The following DLX1 variants were observed in gnomAD, a reference collection of about 807,000 sequenced individuals.
DLX1 encodes the protein homeobox protein DLX-1.
DLX1 carries 7 observed loss-of-function variants against 25.0 expected under a neutral mutation model. The ratio of observed to expected loss-of-function variants is 0.28; its 90% CI spans 0.16 to 0.52. The LOEUF (loss-of-function observed/expected upper bound fraction) is 0.52, where lower values mean the gene tolerates loss of function less well. DLX1 is among the 20% of genes least tolerant of loss of function. DLX1 has a pLI of 0.96. For missense variants in DLX1, 233 were observed against 334.4 expected (o/e 0.70, Z 2.37); for synonymous variants, 155 against 140.3 (o/e 1.10, Z -0.74).
chr2:172,086,418 C>T (rs1690839929), intron 1 of DLX1: 3 of 489,740 alleles, frequency 6.1e-6, no homozygotes, highest in Non-Finnish European at 1.1e-5. Flanking sequence ...GCAAAAATAG[C>T]AAACTTTCCC....
At position 172,089,061 on chromosome 2, in the gene DLX1, T is replaced by A. The variant is rs1438854137; in HGVS notation, c.*804T>A. On this transcript the variant is annotated 3_prime_UTR_variant, in exon 3 of 3. Transcript: ENST00000361725. ...ATTTGCATTTTTTACATGTCCGACA[T>A]TATTTAATAAATAATTTTTAAAAGA... The A allele has an allele frequency of 1.3e-5, 2 of 152,226 alleles. No homozygotes were observed. The highest frequency in any genetic ancestry group is 4.8e-5 in the African/African-American group (2 of 41,452). The allele number at this position is 152,226 out of a possible 1,614,324, so 9.4% of individuals were successfully genotyped here.
chr2:172,087,442 C>A, intron 2 of DLX1: 1 of 432,468 alleles, frequency 2.3e-6, no homozygotes, highest in Non-Finnish European at 4.7e-6. Flanking sequence ...GGATTTGGAG[C>A]AGAGCTGGAG....
Position 172,085,614 on chromosome 2 carries a change from C to A in DLX1, c.-64C>A. On this transcript the variant is annotated 5_prime_UTR_variant, in exon 1 of 3. Transcript: ENST00000361725. The surrounding 1 kb of genome is among the most constrained non-coding windows in gnomAD (Gnocchi z 4.3). ...TTGGGTTCCTTCCTGTCCTGAGAAACATAGAGACCCCCAAAAGGGAAGCAG... is the reference window on the plus strand; with the variant it reads ...TTGGGTTCCTTCCTGTCCTGAGAAAAATAGAGACCCCCAAAAGGGAAGCAG... 6.5e-7 allele frequency: 1 copy of A among 1,526,834 alleles called. No homozygotes were observed. Among genetic ancestry groups the A allele is most frequent in the Non-Finnish European group, 8.9e-7 (1 of 1,129,906 alleles). The allele number at this position is 1,526,834 out of a possible 1,614,324, so 94.6% of individuals were successfully genotyped here. A position where few individuals can be genotyped will look rare whatever the true frequency, so the allele number is the denominator to read the frequency against.
rs893112929 is a variant in DLX1, at chr2:172,089,612, A to G, written c.*1355A>G. ...TTAACTTATTGCTTTGTATCTTGGGAAAAAAACTTTGTAAATAAGTTATAA... is the reference window on the plus strand; with the variant it reads ...TTAACTTATTGCTTTGTATCTTGGGGAAAAAACTTTGTAAATAAGTTATAA... On this transcript the variant is annotated 3_prime_UTR_variant, in exon 3 of 3. Coordinates refer to ENST00000361725, the MANE Select transcript of DLX1 (RefSeq NM_178120.5). The G allele has an allele frequency of 1.3e-5, 2 of 152,648 alleles. No homozygotes were observed. The highest frequency in any genetic ancestry group is 1.9e-4 in the East Asian group (1 of 5,190). 9.5% of individuals were successfully genotyped at this position (152,648 alleles called of 1,614,324 possible). A position where few individuals can be genotyped will look rare whatever the true frequency, so the allele number is the denominator to read the frequency against.
intron 2 of DLX1, 144 bp from the exon 3 acceptor site, chr2:172,087,857 GTC>G (rs1175367996): frequency 8.3e-7 from 1 of 1,210,144 alleles, no homozygotes; most frequent in Admixed American, 2.3e-5. Context: ...AAGGAGGGAT[GTC>G]TCTGCTTCTC....
At chr2:172,086,942 AGGGTCGGG>A (rs745721542) in intron 2 of DLX1, 89 bp downstream of exon 2, 2 of 1,358,666 alleles carry the variant, frequency 1.5e-6, no homozygotes, top group Non-Finnish European at 2.1e-6. Flanking sequence ...GCTGGGACTC[AGGGTCGGG>A]GTGTCACTGT....
At chr2:172,087,700 C>A in intron 2 of DLX1, 1 of 603,614 alleles carries the variant, frequency 1.7e-6, no homozygotes, top group Admixed American at 2.2e-5. Context: ...TAGCCACGGT[C>A]GGACTGAGCC....
intron 1 of DLX1, 53 bp downstream of exon 1, chr2:172,086,043 A>T: frequency 7.0e-7 from 1 of 1,428,010 alleles, no homozygotes. Flanking sequence ...GGAGAGAGGG[A>T]AAGAAGGAGC....
Position 172,088,363 on chromosome 2 carries a change from T to C in DLX1, c.*106T>C. ...AGGACCCAGAGGGAAGAAGGAACAG[T>C]GGAGGCGGGACGCCCTCCATCTCCT... On this transcript the variant is annotated 3_prime_UTR_variant, in exon 3 of 3. Coordinates refer to ENST00000361725, the MANE Select transcript of DLX1 (RefSeq NM_178120.5). 7.4e-7 allele frequency: 1 copy of C among 1,348,538 alleles called. No individual in the cohort carries two copies. Among genetic ancestry groups the C allele is most frequent in the Non-Finnish European group, 9.7e-7 (1 of 1,036,088 alleles). 83.5% of individuals were successfully genotyped at this position (1,348,538 alleles called of 1,614,324 possible). A position where few individuals can be genotyped will look rare whatever the true frequency, so the allele number is the denominator to read the frequency against.
At chr2:172,087,008 C>G (rs763693237) in intron 2 of DLX1, 155 bp downstream of exon 2, 1 of 791,834 alleles carries the variant, frequency 1.3e-6, no homozygotes, top group Non-Finnish European at 2.2e-6. Context: ...TCTCCTTCCT[C>G]CCTCATTCCC....
intron 2 of DLX1, chr2:172,087,150 G>T: frequency 1.6e-6 from 1 of 641,054 alleles, no homozygotes. Context: ...GAGGTCACAC[G>T]TGCCTAAACA....
rs754842301 is a variant in DLX1 at position 172,086,062 on chromosome 2, AGAG to A, written c.313+76_313+78del. On this transcript the variant is annotated intron_variant, in intron 1 of 2. Coordinates refer to ENST00000361725, the MANE Select transcript of DLX1 (RefSeq NM_178120.5). ...AGAGGGAAAGAAGGAGCGGGGGAGA[AGAG>A]GAGAGGGAGAGAGAGAGAAAGAGAA... 1.4e-5 allele frequency: 15 copies of A among 1,045,452 alleles called. No homozygotes were observed. The East Asian group carries it at 5.0e-4, about 35-fold the overall frequency. 64.8% of individuals were successfully genotyped at this position (1,045,452 alleles called of 1,614,324 possible).
At chr2:172,087,956 A>G in intron 2 of DLX1, 47 bp from the exon 3 acceptor site, 1 of 1,505,850 alleles carries the variant, frequency 6.6e-7, no homozygotes, top group Non-Finnish European at 8.9e-7. Flanking sequence ...TGACCTAGGT[A>G]GGCTCAGTGG....
rs765790329 is a variant in DLX1, at chr2:172,088,293, CA to C, written c.*37del. 7.8e-6 allele frequency: 11 copies of C among 1,417,894 alleles called. No individual in the cohort carries two copies. Among genetic ancestry groups the C allele is most frequent in the Non-Finnish European group, 1.0e-5 (11 of 1,077,794 alleles). 87.8% of individuals were successfully genotyped at this position (1,417,894 alleles called of 1,614,324 possible). On this transcript the variant is annotated 3_prime_UTR_variant, in exon 3 of 3. Coordinates refer to ENST00000361725, the MANE Select transcript of DLX1 (RefSeq NM_178120.5). ...CCGTCTCCTTCTTGTCTCCCCGGCC[CA>C]GGTCCCTCCCGCCTCCAGGTCCATC...
At position 172,088,731 on chromosome 2, in the gene DLX1, G is replaced by A. The variant is rs966115503; in HGVS notation, c.*474G>A. On this transcript the variant is annotated 3_prime_UTR_variant, in exon 3 of 3. Transcript: ENST00000361725. ...CTGCGGCCTCAGCAAAAAGCCACAA[G>A]GTCTGAGCGGCCCGGGTCCTGCCGG... is the stretch of plus-strand genomic sequence containing the variant. The A allele has an allele frequency of 2.0e-5, 3 of 153,404 alleles. No homozygotes were observed. Among genetic ancestry groups the A allele is most frequent in the Admixed American group, 6.5e-5 (1 of 15,300 alleles). The allele number at this position is 153,404 out of a possible 1,614,324, so 9.5% of individuals were successfully genotyped here. A position where few individuals can be genotyped will look rare whatever the true frequency, so the allele number is the denominator to read the frequency against.
At chr2:172,087,176 T>C in intron 2 of DLX1, 1 of 575,516 alleles carries the variant, frequency 1.7e-6, no homozygotes, top group Non-Finnish European at 3.3e-6. Flanking sequence ...AACAATAGAC[T>C]CCGGGCTTAA....
chr2:172,087,891 C>T (rs1331260846), intron 2 of DLX1, 112 bp from the exon 3 acceptor site: 15 of 1,406,166 alleles, frequency 1.1e-5, no homozygotes, highest in South Asian at 1.4e-5. Flanking sequence ...TGCCAGCTGG[C>T]GCAGGGTTGG....
Position 172,088,059 on chromosome 2 carries a change from TG to T in DLX1, c.574del (p.Ala192ArgfsTer125). The T allele has an allele frequency of 6.5e-7, 1 of 1,550,022 alleles. No individual in the cohort carries two copies. The highest frequency in any genetic ancestry group is 8.7e-7 in the Non-Finnish European group (1 of 1,148,338). On this transcript the variant is annotated frameshift_variant, in exon 3 of 3. Transcript: ENST00000361725. LOFTEE classifies it high-confidence loss of function. ...AGTTCAAGAAGCTGATGAAGCAGGG[TG>T]GGGCGGCTCTGGAGGGTAGTGCGTT... Reference protein sequence around the residue: ...SKFKKLMKQGGAALEGSALAN... With the variant: ...SKFKKLMKQGXAALEGSALAN...
At position 172,088,088 on chromosome 2, in the gene DLX1, C is replaced by A; in HGVS notation, c.599C>A (p.Ala200Asp). 1 of 1,592,412 alleles carries A rather than the reference C, an allele frequency of 6.3e-7. No homozygotes were observed. Among genetic ancestry groups the A allele is most frequent in the Non-Finnish European group, 8.6e-7 (1 of 1,169,526 alleles). Residue 200 changes from alanine to aspartate, a missense_variant, in exon 3 of 3, where the codon GCC becomes GAC. Ala to Asp is a moderately radical substitution (Grantham distance 126, BLOSUM62 -2). Around this residue, in one of 3 missense-constraint regions of DLX1, gnomAD observed 84 missense variants for 81.8 expected, o/e 1.03. Coordinates refer to ENST00000361725, the MANE Select transcript of DLX1 (RefSeq NM_178120.5). ...GGAALEGSAL[A>D]NGRALSAGSP... is the part of the protein sequence containing the mutation. ...GCGGCTCTGGAGGGTAGTGCGTTGGCCAACGGTCGGGCCCTGTCTGCTGGC... is the reference window on the plus strand; with the variant it reads ...GCGGCTCTGGAGGGTAGTGCGTTGGACAACGGTCGGGCCCTGTCTGCTGGC...
Sources: gnomAD v4.1 joint callset for allele counts on GRCh38, gnomAD v4.1.1 for gene constraint, gnomAD v4.1.1 regional missense constraint, Gnocchi (gnomAD v3.1) non-coding constraint, MANE v1.5 for transcripts, NCBI Gene and HGNC (gene_info 2026-07-23, HGNC 2026-07-21) for gene names.